Variants in ITPR1 observed in about 807,000 individuals in gnomAD.
ITPR1 encodes the protein inositol 1,4,5-trisphosphate receptor type 1.
Under a neutral mutation model 318.4 loss-of-function variants are expected in ITPR1, and 96 were observed. That is an observed-to-expected ratio of 0.30 (90% CI 0.26 to 0.36). The LOEUF (loss-of-function observed/expected upper bound fraction) is 0.36. Among genes scored for constraint, ITPR1 ranks in the 10% least tolerant of loss-of-function variants. ITPR1 has a pLI of 1.00. For synonymous variants in ITPR1, 1,312 were observed against 1,289.9 expected (o/e 1.02, Z -0.37); for missense variants, 2,440 against 3,460.2 (o/e 0.71, Z 7.40).
At chr3:4,709,503 C>T (rs902428345) in intron 37 of ITPR1, among the ~76,000 whole-genome samples, 3 of 152,354 alleles carry the variant, frequency 2.0e-5, no homozygotes, top group East Asian at 3.9e-4. Flanking sequence ...TATTATCCAA[C>T]GTGCTGTGTT....
intron 50 of ITPR1, 58 bp from the exon 51 acceptor site, chr3:4,783,758 T>G (rs1213144945): frequency 1.5e-6 from 2 of 1,294,378 alleles, no homozygotes; most frequent in Non-Finnish European, 2.2e-6. Flanking sequence ...GAAAGGAGTT[T>G]CTGTGTTCCT....
intron 44 of ITPR1, among the ~76,000 whole-genome samples, chr3:4,759,568 C>T (rs935996307): frequency 9.2e-5 from 14 of 152,118 alleles, no homozygotes; most frequent in African/African-American, 3.1e-4. Context: ...GAAGGATGGA[C>T]GACATGGGTG....
At chr3:4,717,328 A>T in intron 39 of ITPR1, 39 bp from the exon 40 acceptor site, 1 of 1,521,042 alleles carries the variant, frequency 6.6e-7, no homozygotes, top group Non-Finnish European at 9.0e-7. Context: ...TCCTTTCCTA[A>T]CATTTCCTTC....
chr3:4,743,336 C>T (rs917313311), intron 44 of ITPR1, among the ~76,000 whole-genome samples: 5 of 152,262 alleles, frequency 3.3e-5, no homozygotes, highest in Non-Finnish European at 5.9e-5. Flanking sequence ...AAAGTCGTTA[C>T]ATTCTTAGGC....
chr3:4,786,765 G>T (rs571326308), intron 51 of ITPR1, among the ~76,000 whole-genome samples: 1 of 152,160 alleles, frequency 6.6e-6, no homozygotes, highest in Admixed American at 6.5e-5. Context: ...CACCCCTGGG[G>T]CCCAAACATA....
At chr3:4,550,915 C>CT (rs1215181432) in intron 4 of ITPR1, among the ~76,000 whole-genome samples, 1 of 151,756 alleles carries the variant, frequency 6.6e-6, no homozygotes, top group Non-Finnish European at 1.5e-5. Context: ...AAAAGAAACA[C>CT]TAACTTGTTG....
chr3:4,638,870 C>A (rs1369567531), intron 5 of ITPR1, among the ~76,000 whole-genome samples: 2 of 152,154 alleles, frequency 1.3e-5, no homozygotes, highest in Non-Finnish European at 2.9e-5. Context: ...AGGTACCGTG[C>A]AGTGGAGTTC....
chr3:4,743,420 G>A (rs1044402507), intron 44 of ITPR1, among the ~76,000 whole-genome samples: 4 of 152,338 alleles, frequency 2.6e-5, no homozygotes, highest in East Asian at 1.9e-4. Flanking sequence ...CATCCTTAGC[G>A]CAGCTCTCTG....
At chr3:4,697,110 A>T in intron 33 of ITPR1, 37 bp from the exon 34 acceptor site, 1 of 1,604,252 alleles carries the variant, frequency 6.2e-7, no homozygotes. Flanking sequence ...ATACACACCA[A>T]GATGGTTTTT....
At chr3:4,827,070 T>C (rs2050127655) in intron 60 of ITPR1, among the ~76,000 whole-genome samples, 1 of 152,242 alleles carries the variant, frequency 6.6e-6, no homozygotes, top group Non-Finnish European at 1.5e-5. Flanking sequence ...AGTTTGTACA[T>C]GCTTATTATA....
chr3:4,759,477 A>T (rs2045276472), intron 44 of ITPR1, among the ~76,000 whole-genome samples: 1 of 152,184 alleles, frequency 6.6e-6, no homozygotes, highest in Non-Finnish European at 1.5e-5. Context: ...TGTCTTGGGC[A>T]GTCAGGGGAG....
intron 4 of ITPR1, among the ~76,000 whole-genome samples, chr3:4,543,631 T>C (rs868692834): frequency 6.6e-6 from 1 of 152,100 alleles, no homozygotes; most frequent in Non-Finnish European, 1.5e-5. Context: ...TTAGTAGAGA[T>C]GGGGTTTCAC....
chr3:4,779,504 C>T lies in ITPR1; in HGVS notation c.6292-46C>T, dbSNP rs146072614. The T allele has an allele frequency of 6.8e-5, 100 of 1,476,958 alleles. No homozygotes were observed. The African/African-American group carries it at 1.3e-3, about 19-fold the overall frequency. 91.5% of individuals were successfully genotyped at this position (1,476,958 alleles called of 1,614,324 possible). On this transcript the variant is annotated intron_variant, in intron 48 of 61. Coordinates refer to ENST00000649015, the MANE Select transcript of ITPR1 (RefSeq NM_001378452.1). The surrounding 1 kb of genome is among the most constrained non-coding windows in gnomAD (Gnocchi z 4.0). ...TGGCACCTGCATTCAGGCCGGGCCCCCAAGCAGCCCCTCTACATTTCCTCT... is the reference window on the plus strand; with the variant it reads ...TGGCACCTGCATTCAGGCCGGGCCCTCAAGCAGCCCCTCTACATTTCCTCT...
At chr3:4,502,868 G>T (rs971218308) in intron 2 of ITPR1, among the ~76,000 whole-genome samples, 1 of 151,958 alleles carries the variant, frequency 6.6e-6, no homozygotes, top group Non-Finnish European at 1.5e-5. Flanking sequence ...GGTCACCTGA[G>T]GTCAGGAGTT....
At chr3:4,840,484 T>C (rs772869450) in intron 61 of ITPR1, among the ~76,000 whole-genome samples, 2 of 152,090 alleles carry the variant, frequency 1.3e-5, no homozygotes, top group Non-Finnish European at 2.9e-5. Context: ...TTGTTGTTTG[T>C]TTTAGATTTT....
intron 44 of ITPR1, among the ~76,000 whole-genome samples, chr3:4,752,504 T>A (rs1158110953): frequency 6.6e-6 from 1 of 152,220 alleles, no homozygotes; most frequent in Non-Finnish European, 1.5e-5. Context: ...CTTTGGCTGG[T>A]CTGCGGTGTG....
At chr3:4,697,338 G>GTGTGTGTGTGTGTGTGTGTGTT in intron 34 of ITPR1, 66 bp downstream of exon 34, 1 of 1,412,712 alleles carries the variant, frequency 7.1e-7, no homozygotes. Flanking sequence ...GTGTGTGTGT[G>GTGTGTGTGTGTGTGTGTGTGTT]TGTGTGTGTG....
At chr3:4,547,225 ATT>A (rs1322078350) in intron 4 of ITPR1, among the ~76,000 whole-genome samples, 5 of 152,182 alleles carry the variant, frequency 3.3e-5, no homozygotes, top group Admixed American at 6.5e-5. Context: ...TCGGCCTGAC[ATT>A]TTATTTTTAT....
chr3:4,569,331 TTTTTAAAACA>T (rs1357970185), intron 4 of ITPR1, among the ~76,000 whole-genome samples: 2 of 152,224 alleles, frequency 1.3e-5, no homozygotes, highest in Non-Finnish European at 2.9e-5. Flanking sequence ...TAAAATTTGA[TTTTTAAAACA>T]TTTTAAAACA....
Sources: gnomAD v4.1 joint callset for allele counts (sites outside exome capture counted in the v4.1 genomes callset) on GRCh38, gnomAD v4.1.1 for gene constraint, Gnocchi (gnomAD v3.1) non-coding constraint, MANE v1.5 for transcripts, NCBI Gene and HGNC (gene_info 2026-07-23, HGNC 2026-07-21) for gene names.